The following PREX1 variants were observed in gnomAD, a reference collection of about 807,000 sequenced individuals.
PREX1 encodes the protein phosphatidylinositol 3,4,5-trisphosphate-dependent Rac exchanger 1 protein.
Under a neutral mutation model 198.3 loss-of-function variants are expected in PREX1, and 41 were observed. The observed-to-expected ratio is 0.21, with a 90% CI of 0.16 to 0.27. The LOEUF (loss-of-function observed/expected upper bound fraction) is 0.27, where lower values mean the gene tolerates loss of function less well. PREX1 is among the 10% of genes least tolerant of loss of function. PREX1 has a pLI of 1.00. For missense variants in PREX1, 1,620 were observed against 2,200.7 expected, an observed-to-expected ratio of 0.74 and a Z score of 5.28; for synonymous variants, 843 against 887.2, an observed-to-expected ratio of 0.95 and a Z score of 0.89.
At chr20:48,652,492 G>A (rs933056976) in intron 21 of PREX1, 94 bp downstream of exon 21, 1 of 1,411,538 alleles carries the variant, frequency 7.1e-7, no homozygotes, top group African/African-American at 1.4e-5. Context: ...CTGGCTGGGA[G>A]GAGGGGAGGG....
chr20:48,632,110 A>C (rs1388489214), intron 35 of PREX1, among the ~76,000 whole-genome samples, 167 bp downstream of exon 35: 1 of 152,200 alleles, frequency 6.6e-6, no homozygotes, highest in Non-Finnish European at 1.5e-5. Context: ...GCCTGCTGCC[A>C]TTGAGAATCT....
intron 19 of PREX1, 36 bp from the exon 20 acceptor site, chr20:48,653,533 G>A: frequency 6.3e-7 from 1 of 1,586,380 alleles, no homozygotes; most frequent in Admixed American, 1.7e-5. Context: ...CTGGATGCCA[G>A]GCAAGTACAA....
chr20:48,748,198 T>C (rs1304658026), intron 1 of PREX1, among the ~76,000 whole-genome samples: 2 of 152,102 alleles, frequency 1.3e-5, no homozygotes, highest in East Asian at 3.9e-4. Context: ...GATACACACC[T>C]GCTTCCTCAC....
chr20:48,715,201 C>T lies in PREX1; in HGVS notation c.622-6780G>A, dbSNP rs117329179. On this transcript the variant is annotated intron_variant, in intron 5 of 39. Coordinates refer to ENST00000371941, the MANE Select transcript of PREX1 (RefSeq NM_020820.4). Reference sequence around the variant, plus strand: ...GGTGCTTGCTTGCTTGCTTGCTAAGCGTCTTGGGAGAACTACATGACTAAG... The same window carrying T: ...GGTGCTTGCTTGCTTGCTTGCTAAGTGTCTTGGGAGAACTACATGACTAAG... 2.3e-3 allele frequency among the ~76,000 whole-genome samples: 353 copies of T among 152,268 alleles called. 4 individuals are homozygous for T. The East Asian group carries it at 0.045, about 19-fold the overall frequency.
At chr20:48,772,780 G>A (rs987132980) in intron 1 of PREX1, among the ~76,000 whole-genome samples, 4 of 152,202 alleles carry the variant, frequency 2.6e-5, no homozygotes, top group East Asian at 3.8e-4. Context: ...GGCCAATGGC[G>A]AAGTTGTCTG....
chr20:48,650,324 G>C, intron 23 of PREX1, 118 bp from the exon 24 acceptor site: 1 of 971,742 alleles, frequency 1.0e-6, no homozygotes, highest in Non-Finnish European at 1.6e-6. Context: ...TGGACAAAAT[G>C]CCAGTAGCTC....
chr20:48,767,004 A>G (rs2090211636), intron 1 of PREX1, among the ~76,000 whole-genome samples: 1 of 152,152 alleles, frequency 6.6e-6, no homozygotes, highest in Non-Finnish European at 1.5e-5. Flanking sequence ...CAGTTTCCCC[A>G]TCTGCACAGC....
chr20:48,722,256 C>T (rs969525387), intron 5 of PREX1, among the ~76,000 whole-genome samples: 4 of 152,214 alleles, frequency 2.6e-5, no homozygotes, highest in Admixed American at 1.3e-4. Flanking sequence ...TCCAGCCACA[C>T]AACGGAAGAT....
intron 1 of PREX1, among the ~76,000 whole-genome samples, chr20:48,765,035 A>C (rs2122856522): frequency 6.6e-6 from 1 of 152,250 alleles, no homozygotes; most frequent in South Asian, 2.1e-4. Context: ...TGACCTCCAG[A>C]AGTGTAAGAT....
upstream of PREX1, among the ~76,000 whole-genome samples, chr20:48,828,377 C>G (rs2090522567): frequency 6.6e-6 from 1 of 152,082 alleles, no homozygotes. Context: ...ACACGCGACA[C>G]CCGCCGCGCG....
In PREX1 at chr20:48,657,073, G is replaced by A. The variant is rs768004159; in HGVS notation, c.2090C>T (p.Pro697Leu). The change falls in exon 18 of 40, where the codon CCT (proline) becomes CTT (leucine). Residue 697 changes from proline (P) to leucine (L), a missense_variant. Transcript: ENST00000371941. ...CTTCGTGGCCACCAGGAGGCGCAGA[G>A]GGCGGCGGGAGCAGAAGGACTGGTT... ...ILNQSFCSRR[P>L]LRLLVATKAK... 4 of 1,605,354 alleles carry A rather than the reference G, an allele frequency of 2.5e-6. No individual in the cohort carries two copies. Among genetic ancestry groups the A allele is most frequent in the Non-Finnish European group, 3.4e-6 (4 of 1,175,460 alleles).
chr20:48,649,256 A>G, intron 25 of PREX1, 44 bp downstream of exon 25: 1 of 1,587,072 alleles, frequency 6.3e-7, no homozygotes, highest in South Asian at 1.1e-5. Context: ...AGGATTGAGA[A>G]CACCTGCCCC....
chr20:48,637,521 C>T (rs892762008), intron 31 of PREX1, among the ~76,000 whole-genome samples, 190 bp downstream of exon 31: 1 of 152,254 alleles, frequency 6.6e-6, no homozygotes, highest in Admixed American at 6.5e-5. Context: ...CAGGACAGGG[C>T]TCCTGGCTCC....
chr20:48,693,339 G>A (rs1298700939), intron 7 of PREX1, among the ~76,000 whole-genome samples: 1 of 152,168 alleles, frequency 6.6e-6, no homozygotes, highest in Non-Finnish European at 1.5e-5. Flanking sequence ...TAACCCCCAA[G>A]GTAATGGTAT....
At position 48,651,458 on chromosome 20, in the gene PREX1, C is replaced by T. The variant is rs767028880; in HGVS notation, c.2593G>A (p.Val865Ile). Reference sequence around the variant, plus strand: ...ATCTTCTCCAGCACATGGCACCTGACGCCTGCCGTGCTCACATACTCATAC... The same window carrying T: ...ATCTTCTCCAGCACATGGCACCTGATGCCTGCCGTGCTCACATACTCATAC... ...VVYEYVSTAG[V>I]RCHVLEKIVE... Residue 865 changes from valine (V) to isoleucine (I), a missense_variant, in exon 22 of 40, where the codon GTC becomes ATC. By Grantham distance (29) the Val-to-Ile change is conservative (BLOSUM62 3). Around this residue, in one of 7 missense-constraint regions of PREX1, gnomAD observed 514 missense variants for 611.6 expected, o/e 0.84. Transcript: ENST00000371941. The T allele has an allele frequency of 1.8e-5, 29 of 1,613,912 alleles. No individual in the cohort carries two copies. The highest frequency in any genetic ancestry group is 1.6e-4 in the Middle Eastern group (1 of 6,082).
intron 2 of PREX1, among the ~76,000 whole-genome samples, chr20:48,745,630 A>G (rs558252734): frequency 6.2e-4 from 94 of 152,266 alleles, no homozygotes; most frequent in Non-Finnish European, 1.2e-3. Context: ...AGAAAACACA[A>G]TAAGGAAGGA....
In PREX1 at chr20:48,820,997, C is replaced by CA. The variant is rs2090481960; in HGVS notation, c.219+6644dup. On this transcript the variant is annotated intron_variant, in intron 1 of 39. Coordinates refer to ENST00000371941, the MANE Select transcript of PREX1 (RefSeq NM_020820.4). ...GGCAGAACACTTGAGGTCAGGAGTT[C>CA]AATACCAGCCTGGTCAACATGGTGA... Among the ~76,000 whole-genome samples, 3 of 152,118 alleles carry CA rather than the reference C, an allele frequency of 2.0e-5. No individual in the cohort carries two copies. In the South Asian group the frequency reaches 6.2e-4, roughly 32 times the overall value.
chr20:48,793,993 C>T (rs2090349558), intron 1 of PREX1, among the ~76,000 whole-genome samples: 1 of 152,228 alleles, frequency 6.6e-6, no homozygotes, highest in South Asian at 2.1e-4. Context: ...GAACCCCTTA[C>T]TCACCAGGCA....
rs140931493 is a variant in PREX1, at chr20:48,706,558, A to T, written c.783+1702T>A. Reference sequence around the variant, plus strand: ...AAGGTTTTCCTCCACCAGGGAAGAGATCTCCCCACTAACTACCCTGGCCAT... The same window carrying T: ...AAGGTTTTCCTCCACCAGGGAAGAGTTCTCCCCACTAACTACCCTGGCCAT... On this transcript the variant is annotated intron_variant, in intron 6 of 39. Transcript: ENST00000371941. 1.6e-3 allele frequency among the ~76,000 whole-genome samples: 251 copies of T among 152,226 alleles called. 1 individual carries two copies. The highest frequency in any genetic ancestry group is 5.7e-3 in the African/African-American group (238 of 41,554).
Sources: gnomAD v4.1 joint callset for allele counts (sites outside exome capture counted in the v4.1 genomes callset) on GRCh38, gnomAD v4.1.1 for gene constraint, gnomAD v4.1.1 regional missense constraint, MANE v1.5 for transcripts, NCBI Gene and HGNC (gene_info 2026-07-23, HGNC 2026-07-21) for gene names.